PRPF8: variants seen among roughly 807,000 people sequenced by gnomAD.
PRPF8 encodes pre-mRNA-processing-splicing factor 8.
In PRPF8, 64 loss-of-function variants were observed where a neutral mutation model predicts 285.9. That is an observed-to-expected ratio of 0.22 (90% CI 0.18 to 0.28). The LOEUF (loss-of-function observed/expected upper bound fraction) is 0.28. Among genes scored for constraint, PRPF8 ranks in the 10% least tolerant of loss-of-function variants. The probability of loss-of-function intolerance (pLI) is 1.00; values close to 1 mark genes in which losing one functional copy is unlikely to be tolerated. For synonymous variants in PRPF8, 1,325 were observed against 1,118.2 expected (o/e 1.18, Z -3.69); for missense variants, 1,426 against 3,026.7 (o/e 0.47, Z 12.41).
intron 21 of PRPF8, 22 bp downstream of exon 21, chr17:1,674,420 A>G (rs367693150): frequency 2.5e-6 from 4 of 1,608,742 alleles, no homozygotes; most frequent in Non-Finnish European, 1.7e-6. Flanking sequence ...CTGCAAGGCT[A>G]GGAATCCAGG....
Position 1,650,792 on chromosome 17 carries a change from A to T in PRPF8, c.*10T>A, listed in dbSNP as rs1336579211. The T allele has an allele frequency of 6.2e-7, 1 of 1,613,732 alleles. No individual in the cohort carries two copies. The highest frequency in any genetic ancestry group is 1.7e-5 in the Admixed American group (1 of 60,014). On this transcript the variant is annotated 3_prime_UTR_variant, in exon 43 of 43. Coordinates refer to ENST00000304992, the MANE Select transcript of PRPF8 (RefSeq NM_006445.4). Reference sequence around the variant, plus strand: ...GCCTCGGGAGGCTGAAGCAGGAGGCAGGGAAACGGTCAGGCATACAGGTCC... The same window carrying T: ...GCCTCGGGAGGCTGAAGCAGGAGGCTGGGAAACGGTCAGGCATACAGGTCC...
rs1017852818 is a variant in PRPF8, at chr17:1,679,232, A to T, written c.1410-26T>A. ...CTGAGGTGGGAACATGGAGAGTAAG[A>T]GTCAGCCTACTGATATCTCTGGAAC... On this transcript the variant is annotated intron_variant, in intron 10 of 42. Transcript: ENST00000304992. This position sits in a 1 kb window ranked among gnomAD's most constrained non-coding sequence, Gnocchi z 4.7. The T allele has an allele frequency of 6.2e-7, 1 of 1,614,200 alleles. No individual in the cohort carries two copies. The highest frequency in any genetic ancestry group is 8.5e-7 in the Non-Finnish European group (1 of 1,180,028).
intron 24 of PRPF8, among the ~76,000 whole-genome samples, chr17:1,667,643 A>G (rs947854428): frequency 6.7e-6 from 1 of 148,666 alleles, no homozygotes; most frequent in African/African-American, 2.5e-5. Flanking sequence ...TCCGGGGCTC[A>G]AGTGGTTCTC....
In PRPF8 at chr17:1,659,601, C is replaced by T; in HGVS notation, c.4947-53G>A. The T allele has an allele frequency of 2.5e-6, 4 of 1,601,436 alleles. No homozygotes were observed. Among genetic ancestry groups the T allele is most frequent in the Non-Finnish European group, 3.4e-6 (4 of 1,169,482 alleles). On this transcript the variant is annotated intron_variant, in intron 31 of 42. Transcript: ENST00000304992. The surrounding 1 kb of genome is among the most constrained non-coding windows in gnomAD (Gnocchi z 5.1). ...AAGAAACCATGGGCATAACCAATGT[C>T]CCCAGAACCAGAACCACTTAAATCC...
At chr17:1,664,973 T>G (rs1472948253) in intron 24 of PRPF8, among the ~76,000 whole-genome samples, 1 of 149,142 alleles carries the variant, frequency 6.7e-6, no homozygotes, top group African/African-American at 2.5e-5. Context: ...CTGGCCAACA[T>G]GGTAAAAACC....
At chr17:1,657,377 G>A (rs1306097423) in intron 34 of PRPF8, among the ~76,000 whole-genome samples, 1 of 152,228 alleles carries the variant, frequency 6.6e-6, no homozygotes, top group East Asian at 1.9e-4. Context: ...CGGGCACGGT[G>A]GCTCAAGCCT....
At chr17:1,678,053 G>A (rs942321224) in intron 13 of PRPF8, among the ~76,000 whole-genome samples, 2 of 152,120 alleles carry the variant, frequency 1.3e-5, no homozygotes, top group South Asian at 2.1e-4. Flanking sequence ...GGTGACTCAC[G>A]CTGGTAATCC....
At position 1,651,985 on chromosome 17, in the gene PRPF8, T is replaced by A. The variant is rs1455241772; in HGVS notation, c.6370-197A>T. 4.3e-6 allele frequency: 3 copies of A among 693,890 alleles called. No homozygotes were observed. The African/African-American group carries it at 5.3e-5, about 12-fold the overall frequency. 43.0% of individuals were successfully genotyped at this position (693,890 alleles called of 1,614,324 possible). On this transcript the variant is annotated intron_variant, in intron 39 of 42. Coordinates refer to ENST00000304992, the MANE Select transcript of PRPF8 (RefSeq NM_006445.4). The surrounding 1 kb of genome is among the most constrained non-coding windows in gnomAD (Gnocchi z 5.1). ...TGGACCTCATCGCGGACTTACCACA[T>A]CAGAATCTCCTGAGTGGGGTCCAGG...
At chr17:1,671,380 C>T (rs1184475771) in intron 24 of PRPF8, among the ~76,000 whole-genome samples, 2 of 152,112 alleles carry the variant, frequency 1.3e-5, no homozygotes, top group East Asian at 1.9e-4. Context: ...CTCATTGGGG[C>T]ATTTCAAATT....
Position 1,651,633 on chromosome 17 carries a change from A to G in PRPF8, c.6510+15T>C. ...CAGCTTTTCCACACTCCCAGGCTCC[A>G]TCACTCCCCATTACCTTGAGGTACT... is the stretch of plus-strand genomic sequence containing the variant. On this transcript the variant is annotated intron_variant, in intron 40 of 42. Coordinates refer to ENST00000304992, the MANE Select transcript of PRPF8 (RefSeq NM_006445.4). This position sits in a 1 kb window ranked among gnomAD's most constrained non-coding sequence, Gnocchi z 5.1. 1 of 1,614,142 alleles carries G rather than the reference A, an allele frequency of 6.2e-7. No individual in the cohort carries two copies. The highest frequency in any genetic ancestry group is 1.1e-5 in the South Asian group (1 of 91,076).
rs1912781253 is a variant in PRPF8 at position 1,679,388 on chromosome 17, C to T, written c.1312G>A (p.Gly438Arg). ...KNWYREHCPA[G>R]QPVKVRVSYQ... is the part of the protein sequence containing the mutation. Reference sequence around the variant, plus strand: ...GAGACCCTCACTTTCACAGGCTGCCCGGCAGGACAATGCTCCCGATACCTG... The same window carrying T: ...GAGACCCTCACTTTCACAGGCTGCCTGGCAGGACAATGCTCCCGATACCTG... Residue 438 changes from glycine (G) to arginine (R), a missense_variant, in exon 10 of 43, where the codon GGG becomes AGG. By Grantham distance (125) the Gly-to-Arg change is moderately radical. Transcript: ENST00000304992. This position sits in a 1 kb window ranked among gnomAD's most constrained non-coding sequence, Gnocchi z 4.7. The T allele has an allele frequency of 6.2e-7, 1 of 1,613,048 alleles. No homozygotes were observed. Among genetic ancestry groups the T allele is most frequent in the Non-Finnish European group, 8.5e-7 (1 of 1,180,016 alleles).
chr17:1,652,695 G>A (rs1911149064), intron 39 of PRPF8: 1 of 149,008 alleles, frequency 6.7e-6, no homozygotes, highest in Non-Finnish European at 1.5e-5. Flanking sequence ...ACAGGTGTAT[G>A]CCACCATGCC....
At position 1,674,539 on chromosome 17, in the gene PRPF8, G is replaced by C; in HGVS notation, c.3202C>G (p.Pro1068Ala). The change falls in exon 21 of 43, where the codon CCA becomes GCA. Residue 1068 changes from proline (P) to alanine (A), a missense_variant. Around this residue, in one of 34 missense-constraint regions of PRPF8, gnomAD observed 148 missense variants for 196.2 expected, o/e 0.75. Coordinates refer to ENST00000304992, the MANE Select transcript of PRPF8 (RefSeq NM_006445.4). ...ASEMAGPPQM[P>A]NDFLSFQDIA... ...TCCTGGAAACTGAGAAAGTCATTTG[G>C]CATCTGAGGGGGCCCAGCCATCTCA... 1 of 1,614,134 alleles carries C rather than the reference G, an allele frequency of 6.2e-7. No individual in the cohort carries two copies. The highest frequency in any genetic ancestry group is 1.7e-5 in the Admixed American group (1 of 60,008).
intron 21 of PRPF8, 69 bp downstream of exon 21, chr17:1,674,373 T>G: frequency 7.0e-7 from 1 of 1,421,806 alleles, no homozygotes; most frequent in Non-Finnish European, 9.8e-7. Flanking sequence ...TCAGGTACAA[T>G]AGCTGATTTC....
Position 1,679,815 on chromosome 17 carries a change from C to T in PRPF8, c.1099-16G>A, listed in dbSNP as rs766372089. The T allele has an allele frequency of 6.2e-7, 1 of 1,614,174 alleles. No individual in the cohort carries two copies. Among genetic ancestry groups the T allele is most frequent in the Non-Finnish European group, 8.5e-7 (1 of 1,180,016 alleles). On this transcript the variant is annotated splice_polypyrimidine_tract_variant and intron_variant, in intron 8 of 42. Coordinates refer to ENST00000304992, the MANE Select transcript of PRPF8 (RefSeq NM_006445.4). This position sits in a 1 kb window ranked among gnomAD's most constrained non-coding sequence, Gnocchi z 4.7. ...GTTCCTGGCTCTGAAAAAGGAATCCCTCTAAGGGTTTAGCTCCTGCTGAAC... is the reference window on the plus strand; with the variant it reads ...GTTCCTGGCTCTGAAAAAGGAATCCTTCTAAGGGTTTAGCTCCTGCTGAAC...
Position 1,656,579 on chromosome 17 carries a change from A to G in PRPF8, c.5620-14T>C. 6.2e-7 allele frequency: 1 copy of G among 1,613,992 alleles called. No individual in the cohort carries two copies. Among genetic ancestry groups the G allele is most frequent in the African/African-American group, 1.3e-5 (1 of 75,014 alleles). On this transcript the variant is annotated splice_polypyrimidine_tract_variant and intron_variant, in intron 35 of 42. Transcript: ENST00000304992. ...CAGTAAGTGCACCTAAGACAAGATC[A>G]AGTCCAAGATGAGAAACAGCCTGAA...
In PRPF8 at chr17:1,683,644, A is replaced by G. The variant is rs747569172; in HGVS notation, c.158T>C (p.Phe53Ser). The change falls in exon 3 of 43, where the codon TTT becomes TCT. Residue 53 changes from phenylalanine to serine, a missense_variant. Physicochemically the swap from Phe to Ser is radical, Grantham distance 155. Around this residue, in one of 34 missense-constraint regions of PRPF8, gnomAD observed 72 missense variants for 80.0 expected, o/e 0.90. Coordinates refer to ENST00000304992, the MANE Select transcript of PRPF8 (RefSeq NM_006445.4). Reference protein sequence around the residue: ...KRYAEKRKFGFVDAQKEDMPP... With the variant: ...KRYAEKRKFGSVDAQKEDMPP... ...CATGTCTTCCTTCTGGGCATCCACA[A>G]ACCCAAACTTCCGCTTTTCTGCATA... 1 of 1,614,110 alleles carries G rather than the reference A, an allele frequency of 6.2e-7. No individual in the cohort carries two copies. The highest frequency in any genetic ancestry group is 8.5e-7 in the Non-Finnish European group (1 of 1,180,020).
In PRPF8 at chr17:1,676,568, AT is replaced by A. The variant is rs779102086; in HGVS notation, c.2324del (p.Asn775IlefsTer10). 1.9e-6 allele frequency: 3 copies of A among 1,613,872 alleles called. No homozygotes were observed. The highest frequency in any genetic ancestry group is 2.5e-6 in the Non-Finnish European group (3 of 1,179,982). On this transcript the variant is annotated frameshift_variant, in exon 16 of 43. Transcript: ENST00000304992. LOFTEE classifies it high-confidence loss of function. The surrounding 1 kb of genome is among the most constrained non-coding windows in gnomAD (Gnocchi z 6.3). Reference protein sequence around the residue: ...ATVDKTVCKKNLGRLTRLYLK... With the variant: ...ATVDKTVCKKXLGRLTRLYLK... ...GATAGAGCCGGGTGAGGCGGCCCAGATTCTTTTTACAAACAGTCTTGTCCAC... is the reference window on the plus strand; with the variant it reads ...GATAGAGCCGGGTGAGGCGGCCCAGATCTTTTTACAAACAGTCTTGTCCAC...
chr17:1,675,099 G>A lies in PRPF8; in HGVS notation c.3060+53C>T. The A allele has an allele frequency of 6.2e-7, 1 of 1,604,712 alleles. No homozygotes were observed. Among genetic ancestry groups the A allele is most frequent in the Non-Finnish European group, 8.5e-7 (1 of 1,174,342 alleles). ...CCTCCTCAGCAAATTCTGAGTCAGT[G>A]GGCCAGACAAGCACTCCACACACAA... On this transcript the variant is annotated intron_variant, in intron 20 of 42. Transcript: ENST00000304992. This position sits in a 1 kb window ranked among gnomAD's most constrained non-coding sequence, Gnocchi z 6.0.
Sources: allele counts gnomAD v4.1 joint callset (sites outside exome capture counted in the v4.1 genomes callset), GRCh38; gene constraint gnomAD v4.1.1; regional missense constraint gnomAD v4.1.1; non-coding constraint Gnocchi (gnomAD v3.1); transcripts MANE v1.5; gene names NCBI Gene and HGNC (gene_info 2026-07-23, HGNC 2026-07-21).